The following UBE2L6 variants were observed in gnomAD, a reference collection of about 807,000 sequenced individuals.
UBE2L6 encodes the protein ubiquitin conjugating enzyme E2 L6, also known as ubiquitin/ISG15-conjugating enzyme E2 L6.
UBE2L6 carries 11 observed loss-of-function variants against 13.6 expected under a neutral mutation model. That is an observed-to-expected ratio of 0.81 (90% confidence interval 0.51 to 1.34). The LOEUF is 1.34. Ranked by LOEUF, UBE2L6 falls within the 40% of genes most tolerant of loss-of-function variation. The probability of loss-of-function intolerance (pLI) is 0.00; values close to 1 mark genes in which losing one functional copy is unlikely to be tolerated. For missense variants in UBE2L6, 197 were observed against 199.5 expected (o/e 0.99, Z 0.07); for synonymous variants, 74 against 83.2 (o/e 0.89, Z 0.60).
In UBE2L6 at chr11:57,560,378, C is replaced by T. The variant is rs1309313008; in HGVS notation, c.82G>A (p.Asp28Asn). Residue 28 changes from aspartate (D) to asparagine (N), a missense_variant, in exon 2 of 4, where the codon GAT (aspartate) becomes AAT (asparagine). Transcript: ENST00000287156. ...PPPYLRNLSS[D>N]DANVLVWHAL... ...TGCCACACCAGGACATTGGCATCATCGCTGGACAGGTTCCGCAGGTATGGG... is the reference window on the plus strand; with the variant it reads ...TGCCACACCAGGACATTGGCATCATTGCTGGACAGGTTCCGCAGGTATGGG... The T allele has an allele frequency of 2.5e-6, 4 of 1,613,896 alleles. No individual in the cohort carries two copies. Among genetic ancestry groups the T allele is most frequent in the Non-Finnish European group, 3.4e-6 (4 of 1,179,978 alleles).
chr11:57,564,664 G>A (rs758304241), intron 1 of UBE2L6, among the ~76,000 whole-genome samples: 4 of 151,914 alleles, frequency 2.6e-5, no homozygotes, highest in Non-Finnish European at 2.9e-5. Flanking sequence ...TTAGCTGGGC[G>A]TGGTGGCGGG....
chr11:57,560,499 C>A, intron 1 of UBE2L6, 67 bp from the exon 2 acceptor site: 2 of 1,259,466 alleles, frequency 1.6e-6, no homozygotes, highest in South Asian at 1.2e-5. Flanking sequence ...TCCCCCTGCC[C>A]CAGCAGCAAG....
intron 2 of UBE2L6, among the ~76,000 whole-genome samples, chr11:57,559,695 A>G (rs1364204909): frequency 6.6e-6 from 1 of 152,222 alleles, no homozygotes; most frequent in Non-Finnish European, 1.5e-5. Context: ...AAAAAGTTCA[A>G]TGTCTTAAAT....
chr11:57,567,249 T>A (rs1183843464), intron 1 of UBE2L6: 6 of 478,456 alleles, frequency 1.3e-5, no homozygotes, highest in Non-Finnish European at 1.2e-5. Flanking sequence ...GGCACCAAGA[T>A]GCCAAGGACT....
intron 1 of UBE2L6, among the ~76,000 whole-genome samples, chr11:57,563,561 T>C (rs899216385): frequency 2.0e-5 from 3 of 149,440 alleles, no homozygotes; most frequent in Non-Finnish European, 4.4e-5. Context: ...GCAGAATTGA[T>C]CAAGCAGAAG....
intron 1 of UBE2L6, among the ~76,000 whole-genome samples, chr11:57,562,141 A>G (rs933204331): frequency 6.6e-6 from 1 of 152,234 alleles, no homozygotes; most frequent in Admixed American, 6.5e-5. Flanking sequence ...AAGCTGACTG[A>G]AGGGCCTTTG....
At chr11:57,557,820 G>T (rs535024150) in intron 2 of UBE2L6, among the ~76,000 whole-genome samples, 2 of 152,214 alleles carry the variant, frequency 1.3e-5, no homozygotes, top group Non-Finnish European at 2.9e-5. Flanking sequence ...AGTGTGTCCT[G>T]CCTGAAGGGG....
rs4939151 is a variant in UBE2L6, at chr11:57,566,957, C to G, written c.27+628G>C. 233 of 220,256 alleles carry G rather than the reference C, an allele frequency of 1.1e-3. 30 individuals carry two copies. Among genetic ancestry groups the G allele is most frequent in the Middle Eastern group, 4.2e-3 (6 of 1,414 alleles). The allele number at this position is 220,256 out of a possible 1,614,324, so 13.6% of individuals were successfully genotyped here. On this transcript the variant is annotated intron_variant, in intron 1 of 3. Coordinates refer to ENST00000287156, the MANE Select transcript of UBE2L6 (RefSeq NM_004223.5). ...TGTTCATCTCTGCCCGCCCCCCCCC[C>G]CCTCCTAGAACAGGGCCAGCACATG...
intron 3 of UBE2L6, among the ~76,000 whole-genome samples, chr11:57,553,603 C>T (rs986065784): frequency 2.2e-4 from 33 of 152,076 alleles, no homozygotes; most frequent in African/African-American, 6.3e-4. Context: ...CGGAGGCAGG[C>T]GGATCGCCTG....
Position 57,554,408 on chromosome 11 carries a change from T to C in UBE2L6, c.310+29A>G, listed in dbSNP as rs768232347. On this transcript the variant is annotated intron_variant, in intron 3 of 3. Transcript: ENST00000287156. The stretch of plus-strand genomic sequence containing the variant: ...TCCAGTAATCTCTACCCAGTATCAG[T>C]CCCTCCTCCAAGCAAAGCCCAACCC... 5 of 1,610,804 alleles carry C rather than the reference T, an allele frequency of 3.1e-6. No individual in the cohort carries two copies. In the Admixed American group the frequency reaches 8.4e-5, roughly 27 times the overall value.
intron 1 of UBE2L6, 86 bp from the exon 2 acceptor site, chr11:57,560,518 A>G: frequency 9.8e-7 from 1 of 1,024,486 alleles, no homozygotes; most frequent in South Asian, 1.3e-5. Flanking sequence ...AGCTGCCCCA[A>G]GTTCAAAACT....
chr11:57,564,036 CA>C (rs1192179438), intron 1 of UBE2L6, among the ~76,000 whole-genome samples: 2 of 152,158 alleles, frequency 1.3e-5, no homozygotes, highest in African/African-American at 4.8e-5. Flanking sequence ...AAAGTTTATT[CA>C]AACGGATAGT....
intron 1 of UBE2L6, chr11:57,566,954 C>CCCCG (rs2135284705): frequency 5.5e-6 from 1 of 181,458 alleles, no homozygotes; most frequent in Non-Finnish European, 1.2e-5. Context: ...CCCGCCCCCC[C>CCCCG]CCCCCTCCTA....
intron 2 of UBE2L6, among the ~76,000 whole-genome samples, chr11:57,559,287 C>T (rs1467358827): frequency 6.6e-6 from 1 of 152,084 alleles, no homozygotes; most frequent in Non-Finnish European, 1.5e-5. Context: ...AAAGAGAAGA[C>T]GACACAACCT....
intron 1 of UBE2L6, among the ~76,000 whole-genome samples, chr11:57,562,005 A>G (rs1461764852): frequency 6.6e-6 from 1 of 152,236 alleles, no homozygotes; most frequent in African/African-American, 2.4e-5. Flanking sequence ...TTCCGTTGTC[A>G]TAAATCGGGA....
At chr11:57,556,592 CAAAAAAAAAA>C (rs368936864) in intron 2 of UBE2L6, among the ~76,000 whole-genome samples, 78 of 73,694 alleles carry the variant, frequency 1.1e-3, no homozygotes, top group African/African-American at 3.8e-3. Context: ...AACTCCGTCT[CAAAAAAAAAA>C]AAAAAAAAAA....
chr11:57,567,870 G>A, upstream of UBE2L6: 1 of 422,080 alleles, frequency 2.4e-6, no homozygotes. Flanking sequence ...GGAGACGGGG[G>A]CGGGCCTCGG....
intron 3 of UBE2L6, among the ~76,000 whole-genome samples, chr11:57,552,971 T>A (rs567511679): frequency 2.6e-5 from 4 of 152,156 alleles, no homozygotes. Context: ...CCGAGACAGA[T>A]GTGCACATCC....
chr11:57,553,085 A>T (rs953157704), intron 3 of UBE2L6, among the ~76,000 whole-genome samples: 4 of 152,248 alleles, frequency 2.6e-5, no homozygotes, highest in African/African-American at 9.6e-5. Flanking sequence ...TTCCTGAGTT[A>T]AAAACTCCTG....
Sources: allele counts gnomAD v4.1 joint callset (sites outside exome capture counted in the v4.1 genomes callset), GRCh38; gene constraint gnomAD v4.1.1; transcripts MANE v1.5; gene names NCBI Gene and HGNC (gene_info 2026-07-23, HGNC 2026-07-21).